The following STAP2 variants were observed in gnomAD, a reference collection of about 807,000 sequenced individuals.
The protein encoded by STAP2 is signal-transducing adaptor protein 2.
Under a neutral mutation model 52.7 loss-of-function variants are expected in STAP2, and 58 were observed. That is an observed-to-expected ratio of 1.10 (90% CI 0.89 to 1.37). The LOEUF is 1.37. STAP2 is among the 40% of genes most tolerant of loss of function. The pLI is 0.00. For missense variants in STAP2, 522 were observed against 519.4 expected (o/e 1.00, Z -0.05); for synonymous variants, 231 against 210.5 (o/e 1.10, Z -0.84).
Position 4,333,800 on chromosome 19 carries a change from T to A in STAP2, c.191A>T (p.Asn64Ile). 3.1e-6 allele frequency: 5 copies of A among 1,613,846 alleles called. No individual in the cohort carries two copies. The highest frequency in any genetic ancestry group is 4.2e-6 in the Non-Finnish European group (5 of 1,179,990). The change falls in exon 3 of 13, where the codon AAC becomes ATC. Residue 64 changes from asparagine to isoleucine, a missense_variant. Transcript: ENST00000594605. ...TGTGAGTTTCTCAAATGCTCCCAAG[T>A]TGAGCTTCTCCACGTGCTGGGGGCA... The part of the protein sequence containing the change: ...NRDFQHVEKL[N>I]LGAFEKLTDE...
intron 3 of STAP2, among the ~76,000 whole-genome samples, chr19:4,333,143 T>C (rs1971920668): frequency 6.6e-6 from 1 of 151,316 alleles, no homozygotes; most frequent in Non-Finnish European, 1.5e-5. Context: ...TGAGCCAAGA[T>C]TGCACTACTG....
Position 4,333,778 on chromosome 19 carries a change from G to A in STAP2, c.213C>T (p.Leu71=). The change falls in exon 3 of 13, where the codon CTC becomes CTT. Residue 71 remains leucine, a synonymous_variant. Coordinates refer to ENST00000594605, the MANE Select transcript of STAP2 (RefSeq NM_001013841.2). ...AGCTTCCCCAGGGAATCTCATCTGT[G>A]AGTTTCTCAAATGCTCCCAAGTTGA... ...EKLNLGAFEK[L]TDEIPWGSSR... is the part of the protein sequence containing the mutation. 2 of 1,613,778 alleles carry A rather than the reference G, an allele frequency of 1.2e-6. No individual in the cohort carries two copies. Among genetic ancestry groups the A allele is most frequent in the Non-Finnish European group, 1.7e-6 (2 of 1,180,014 alleles).
Position 4,334,037 on chromosome 19 carries a change from T to C in STAP2, c.110A>G (p.Lys37Arg). The change falls in exon 2 of 13, where the codon AAG becomes AGG. Residue 37 changes from lysine to arginine, a missense_variant. Transcript: ENST00000594605. ...ACCCTGCAGGCCTGCCCAGAACTTC[T>C]TGTAATCCTAGGGACCAGAAGTGCA... ...EKKGPCDRDY[K>R]KFWAGLQGLT... 1 of 1,610,712 alleles carries C rather than the reference T, an allele frequency of 6.2e-7. No individual in the cohort carries two copies. The highest frequency in any genetic ancestry group is 8.5e-7 in the Non-Finnish European group (1 of 1,178,864).
intron 12 of STAP2, 98 bp downstream of exon 12, chr19:4,324,357 C>A: frequency 7.5e-7 from 1 of 1,334,314 alleles, no homozygotes; most frequent in Non-Finnish European, 1.0e-6. Flanking sequence ...GACAGCAGAA[C>A]CTTAAAAGAC....
chr19:4,330,350 GT>G (rs1568386652), intron 4 of STAP2, among the ~76,000 whole-genome samples: 2 of 151,752 alleles, frequency 1.3e-5, no homozygotes, highest in East Asian at 3.9e-4. Flanking sequence ...GCGAAACCCC[GT>G]TTGTACTAAA....
chr19:4,336,159 G>A (rs1020926847), intron 1 of STAP2, among the ~76,000 whole-genome samples: 5 of 150,628 alleles, frequency 3.3e-5, no homozygotes, highest in Admixed American at 6.6e-5. Context: ...TTACAAGTGC[G>A]CACCACCACA....
At position 4,327,192 on chromosome 19, in the gene STAP2, T is replaced by C. The variant is rs764863777; in HGVS notation, c.695A>G (p.Tyr232Cys). The C allele has an allele frequency of 2.5e-6, 4 of 1,613,910 alleles. No individual in the cohort carries two copies. Among genetic ancestry groups the C allele is most frequent in the Admixed American group, 3.3e-5 (2 of 60,006 alleles). Residue 232 changes from tyrosine to cysteine, a missense_variant, in exon 8 of 13, where the codon TAT becomes TGT. Coordinates refer to ENST00000594605, the MANE Select transcript of STAP2 (RefSeq NM_001013841.2). ...SCTSLDAVVN[Y>C]FVSHTKKALV... ...CGCCTTTTTGGTATGCGACACGAAATAGTTGACCACGGCGTCCAGGGAGGT... is the reference window on the plus strand; with the variant it reads ...CGCCTTTTTGGTATGCGACACGAAACAGTTGACCACGGCGTCCAGGGAGGT...
intron 6 of STAP2, 24 bp from the exon 7 acceptor site, chr19:4,327,409 G>A: frequency 6.2e-7 from 1 of 1,613,742 alleles, no homozygotes; most frequent in Non-Finnish European, 8.5e-7. Context: ...AAGCGAGTGA[G>A]TGGCTCAGCC....
At chr19:4,333,546 C>T in intron 3 of STAP2, 148 bp downstream of exon 3, 1 of 974,542 alleles carries the variant, frequency 1.0e-6, no homozygotes, top group Non-Finnish European at 1.4e-6. Flanking sequence ...TAGCACCCAG[C>T]TCCTTTGGGG....
intron 1 of STAP2, among the ~76,000 whole-genome samples, chr19:4,334,246 G>A (rs1457464362): frequency 6.6e-6 from 1 of 152,068 alleles, no homozygotes; most frequent in Admixed American, 6.6e-5. Context: ...CAGCTTCTGG[G>A]TGTCTGTTTT....
intron 5 of STAP2, 38 bp from the exon 6 acceptor site, chr19:4,328,847 A>T (rs1568385992): frequency 6.3e-7 from 1 of 1,599,546 alleles, no homozygotes. Flanking sequence ...GACCCCGGAG[A>T]CCAAGTCCGC....
chr19:4,333,714 C>T lies in STAP2; in HGVS notation c.277G>A (p.Asp93Asn), dbSNP rs7247504. 908,365 of 1,611,768 alleles carry T rather than the reference C, an allele frequency of 0.56. 258,817 individuals are homozygous for T. Among genetic ancestry groups the T allele is most frequent in the African/African-American group, 0.75 (56,468 of 74,908 alleles). ...PGTHFSLILR[D>N]QEIKFKVETL... ...CCTACCTTGAACTTGATCTCCTGAT[C>T]CCGGAGAATCAGGCTGAAGTGGGTG... is the stretch of plus-strand genomic sequence containing the variant. The change falls in exon 3 of 13, where the codon GAT becomes AAT. Residue 93 changes from aspartate (D) to asparagine (N), a missense_variant. Physicochemically the swap from Asp to Asn is conservative, Grantham distance 23. Transcript: ENST00000594605.
rs1568387395 is a variant in STAP2, at chr19:4,332,071, GTC to G, written c.303_304del (p.Glu101AspfsTer36). ...TTTCCACATTTCCCGACACTCCAAGGTCTCTACCTGGGGAACAAAAGAAAGGA... is the reference window on the plus strand; with the variant it reads ...TTTCCACATTTCCCGACACTCCAAGGTCTACCTGGGGAACAAAAGAAAGGA... On this transcript the variant is annotated frameshift_variant, in exon 4 of 13. Coordinates refer to ENST00000594605, the MANE Select transcript of STAP2 (RefSeq NM_001013841.2). LOFTEE classifies it high-confidence loss of function. 6.2e-7 allele frequency: 1 copy of G among 1,611,590 alleles called. No individual in the cohort carries two copies. The highest frequency in any genetic ancestry group is 2.2e-5 in the East Asian group (1 of 44,786).
chr19:4,327,504 C>T (rs899223802), intron 6 of STAP2, 119 bp from the exon 7 acceptor site: 2 of 1,107,638 alleles, frequency 1.8e-6, no homozygotes, highest in Admixed American at 2.1e-5. Context: ...ACTGGCTCCG[C>T]CCCCACAGAA....
chr19:4,332,249 C>T (rs1455387735), intron 3 of STAP2, among the ~76,000 whole-genome samples, 171 bp from the exon 4 acceptor site: 1 of 140,602 alleles, frequency 7.1e-6, no homozygotes, highest in African/African-American at 2.7e-5. Context: ...CTTCTGTCGC[C>T]CAGGCTAGAG....
At chr19:4,336,110 C>A (rs191960845) in intron 1 of STAP2, among the ~76,000 whole-genome samples, 1 of 152,100 alleles carries the variant, frequency 6.6e-6, no homozygotes, top group African/African-American at 2.4e-5. Context: ...CCTCCCAGTT[C>A]GAGCCATTCT....
At position 4,325,514 on chromosome 19, in the gene STAP2, C is replaced by G; in HGVS notation, c.861G>C (p.Pro287=). 6.2e-7 allele frequency: 1 copy of G among 1,606,056 alleles called. No homozygotes were observed. Among genetic ancestry groups the G allele is most frequent in the Non-Finnish European group, 8.5e-7 (1 of 1,176,284 alleles). Residue 287 remains proline, a synonymous_variant, in exon 10 of 13, where the codon CCG becomes CCC. Coordinates refer to ENST00000594605, the MANE Select transcript of STAP2 (RefSeq NM_001013841.2). ...GPAPCTGGPK[P]LSPASSQDKL... ...TGTCCTGGCTAGACGCAGGTGACAG[C>G]GGCTTGGGGCCACCTGTGCAGGGTG...
Position 4,327,340 on chromosome 19 carries a change from C to T in STAP2, c.636G>A (p.Lys212=), listed in dbSNP as rs768682330. 3 of 1,614,160 alleles carry T rather than the reference C, an allele frequency of 1.9e-6. No homozygotes were observed. The highest frequency in any genetic ancestry group is 2.5e-6 in the Non-Finnish European group (3 of 1,180,010). ...RHYKVKREGP[K]YVIDVEQPFS... ...CCGGCTGTTCCACATCGATCACGTACTTGGGGCCCTCCCGCTTCACCTTGT... is the reference window on the plus strand; with the variant it reads ...CCGGCTGTTCCACATCGATCACGTATTTGGGGCCCTCCCGCTTCACCTTGT... The change falls in exon 7 of 13, where the codon AAG becomes AAA. Residue 212 remains lysine, a synonymous_variant. Transcript: ENST00000594605.
intron 1 of STAP2, 37 bp from the exon 2 acceptor site, chr19:4,334,081 G>A (rs1971936390): frequency 1.3e-6 from 2 of 1,575,818 alleles, no homozygotes; most frequent in African/African-American, 2.7e-5. Flanking sequence ...AGGTGAGCTG[G>A]CCAAGCTGAG....
Sources: gnomAD v4.1 joint callset for allele counts (sites outside exome capture counted in the v4.1 genomes callset) on GRCh38, gnomAD v4.1.1 for gene constraint, MANE v1.5 for transcripts, NCBI Gene and HGNC (gene_info 2026-07-23, HGNC 2026-07-21) for gene names.